REDIC1: variants seen among roughly 807,000 people sequenced by gnomAD.
The protein encoded by REDIC1 is HEI10 Interacting Protein 1.
the REDIC1 span, among the ~76,000 whole-genome samples, chr12:39,667,075 G>C: frequency 6.6e-6 from 1 of 152,130 alleles, no homozygotes; most frequent in East Asian, 1.9e-4. Context: ...CTTCAGTTCT[G>C]CTCTGATCTT....
the REDIC1 span, among the ~76,000 whole-genome samples, chr12:39,746,920 A>G: frequency 0.052 from 7,932 of 152,294 alleles, 710 homozygotes; most frequent in African/African-American, 0.18. Flanking sequence ...CCAAAAACTT[A>G]TCTGTACATC....
the REDIC1 span, among the ~76,000 whole-genome samples, chr12:39,636,229 C>T: frequency 5.3e-5 from 8 of 152,052 alleles, no homozygotes; most frequent in African/African-American, 1.7e-4. Context: ...TGCAAGAATT[C>T]GGTCTCCGAG....
the REDIC1 span, among the ~76,000 whole-genome samples, chr12:39,823,185 T>G: frequency 6.6e-6 from 1 of 152,180 alleles, no homozygotes; most frequent in Admixed American, 6.5e-5. Context: ...AAAGTATAAT[T>G]TTAAAAGTCA....
At chr12:39,745,384 C>G in the REDIC1 span, among the ~76,000 whole-genome samples, 1 of 152,134 alleles carries the variant, frequency 6.6e-6, no homozygotes, top group Admixed American at 6.5e-5. Flanking sequence ...TTGGCACCAA[C>G]TAAGCTTGGT....
At chr12:39,714,058 CGTATGTGTATATACGTGTATATACACAT>C in the REDIC1 span, among the ~76,000 whole-genome samples, 4 of 7,866 alleles carry the variant, frequency 5.1e-4, no homozygotes, top group South Asian at 0.011. Flanking sequence ...TGTATATACA[CGTATGTGTATATACGTGTATATACACAT>C]ATATGTACAT....
chr12:39,668,911 C>A, the REDIC1 span, among the ~76,000 whole-genome samples: 5 of 152,160 alleles, frequency 3.3e-5, no homozygotes, highest in East Asian at 7.7e-4. Flanking sequence ...CCATCAGGTC[C>A]TTTAAGGACT....
chr12:39,886,254 T>C, the REDIC1 span, among the ~76,000 whole-genome samples: 1 of 152,140 alleles, frequency 6.6e-6, no homozygotes, highest in African/African-American at 2.4e-5. Context: ...AAATAGTAAA[T>C]TAGGCTGCTG....
chr12:39,725,088 C>G, the REDIC1 span, among the ~76,000 whole-genome samples: 2 of 151,898 alleles, frequency 1.3e-5, no homozygotes. Flanking sequence ...GACAGAGCCT[C>G]AAAGTCAAAT....
At chr12:39,723,264 A>G in the REDIC1 span, among the ~76,000 whole-genome samples, 1 of 152,138 alleles carries the variant, frequency 6.6e-6, no homozygotes, top group Non-Finnish European at 1.5e-5. Flanking sequence ...AATATCTTTC[A>G]GTGTGTTCCG....
the REDIC1 span, among the ~76,000 whole-genome samples, chr12:39,653,585 C>CTTCTTCTTCTTCTTCTTCTTCTTCTTT: frequency 4.0e-5 from 3 of 75,218 alleles, no homozygotes; most frequent in South Asian, 4.6e-4. Flanking sequence ...TCTTCCTCTT[C>CTTCTTCTTCTTCTTCTTCTTCTTCTTT]TTCTTCCTCT....
chr12:39,900,612 C>A, the REDIC1 span, among the ~76,000 whole-genome samples: 1 of 152,058 alleles, frequency 6.6e-6, no homozygotes, highest in South Asian at 2.1e-4. Flanking sequence ...AATAAAATAC[C>A]TAGGAATCCA....
the REDIC1 span, among the ~76,000 whole-genome samples, chr12:39,712,134 A>G: frequency 2.3e-5 from 1 of 43,202 alleles, no homozygotes; most frequent in African/African-American, 6.0e-5. Flanking sequence ...ACCTGTATGT[A>G]CATATACATA....
the REDIC1 span, among the ~76,000 whole-genome samples, chr12:39,654,756 T>C: frequency 2.5e-4 from 2 of 8,054 alleles, no homozygotes; most frequent in African/African-American, 4.1e-4. Context: ...ACTGGCCTCA[T>C]AGAAAAAGTT....
At chr12:39,819,492 T>C in the REDIC1 span, among the ~76,000 whole-genome samples, 7 of 152,170 alleles carry the variant, frequency 4.6e-5, no homozygotes, top group Non-Finnish European at 8.8e-5. Flanking sequence ...TATTTGATGT[T>C]CCTAAAAGCC....
the REDIC1 span, among the ~76,000 whole-genome samples, chr12:39,699,794 C>T: frequency 5.3e-5 from 8 of 152,204 alleles, no homozygotes; most frequent in East Asian, 1.9e-4. Context: ...CCCTGACCCC[C>T]GAGCAGCCTA....
chr12:39,871,353 T>A, the REDIC1 span, among the ~76,000 whole-genome samples: 10 of 150,432 alleles, frequency 6.6e-5, no homozygotes, highest in Non-Finnish European at 1.5e-4. Context: ...AATTACATGG[T>A]TCTAATATTC....
At chr12:39,788,932 G>A in the REDIC1 span, among the ~76,000 whole-genome samples, 2 of 151,978 alleles carry the variant, frequency 1.3e-5, no homozygotes, top group African/African-American at 2.4e-5. Flanking sequence ...TTTCTAATAC[G>A]TATTTAAAAA....
chr12:39,712,848 TACACATATGTATATACACGTATATAC>T, the REDIC1 span, among the ~76,000 whole-genome samples: 1 of 93,408 alleles, frequency 1.1e-5, no homozygotes. Context: ...TACACGTATA[TACACATATGTATATACACGTATATAC>T]ACGTATATAC....
chr12:39,719,889 G>A, the REDIC1 span, among the ~76,000 whole-genome samples: 1 of 151,906 alleles, frequency 6.6e-6, no homozygotes, highest in South Asian at 2.1e-4. Context: ...TCTGTGTTCG[G>A]ACCATTTTAA....
Sources: gnomAD v4.1 joint callset for allele counts (sites outside exome capture counted in the v4.1 genomes callset) on GRCh38, gnomAD v4.1.1 for gene constraint, MANE v1.5 for transcripts, NCBI Gene and HGNC (gene_info 2026-07-23, HGNC 2026-07-21) for gene names.